The following IFRD1 variants were observed in gnomAD, a reference collection of about 807,000 sequenced individuals.
The protein encoded by IFRD1 is interferon related developmental regulator 1, also known as interferon-related developmental regulator 1.
IFRD1 carries 35 observed loss-of-function variants against 52.9 expected under a neutral mutation model. The ratio of observed to expected loss-of-function variants is 0.66; its 90% CI spans 0.51 to 0.88. The LOEUF (loss-of-function observed/expected upper bound fraction) is 0.88. Ranked by LOEUF, IFRD1 falls within the 40% of genes least tolerant of loss-of-function variation. IFRD1 has a pLI of 0.00. For missense variants in IFRD1, 517 were observed against 550.8 expected (o/e 0.94, Z 0.61); for synonymous variants, 184 against 188.4 (o/e 0.98, Z 0.19).
chr7:112,444,740 C>G (rs992418059), intron 1 of IFRD1, among the ~76,000 whole-genome samples: 3 of 151,932 alleles, frequency 2.0e-5, no homozygotes, highest in African/African-American at 7.3e-5. Flanking sequence ...CGCAGCATTG[C>G]AAATAAAACC....
At chr7:112,464,570 G>C (rs1331553868) in intron 8 of IFRD1, among the ~76,000 whole-genome samples, 1 of 152,148 alleles carries the variant, frequency 6.6e-6, no homozygotes, top group African/African-American at 2.4e-5. Context: ...GAGTTTTTGA[G>C]AACACATGAT....
intron 7 of IFRD1, 33 bp downstream of exon 7, chr7:112,462,212 C>G (rs1275469374): frequency 6.2e-7 from 1 of 1,610,264 alleles, no homozygotes; most frequent in Non-Finnish European, 8.5e-7. Context: ...TTTATAAAAG[C>G]AACATTTAGT....
upstream of IFRD1, chr7:112,450,427 T>G: frequency 1.9e-6 from 1 of 523,574 alleles, no homozygotes; most frequent in Non-Finnish European, 3.5e-6. Context: ...GTGGCGGTAT[T>G]GCTACTTAAG....
At position 112,468,329 on chromosome 7, in the gene IFRD1, GT is replaced by G. The variant is rs1171012860; in HGVS notation, c.1041+222del. On this transcript the variant is annotated intron_variant, in intron 9 of 11. Transcript: ENST00000403825. Reference sequence around the variant, plus strand: ...TGGTGTATAAAGATACTTTATTTTAGTTTTTTTTCTTTTAAATAAAAAGACC... The same window carrying G: ...TGGTGTATAAAGATACTTTATTTTAGTTTTTTTCTTTTAAATAAAAAGACC... Among the ~76,000 whole-genome samples the G allele has an allele frequency of 2.0e-5, 3 of 149,876 alleles. No homozygotes were observed. In the South Asian group the frequency reaches 6.3e-4, roughly 31 times the overall value.
At chr7:112,454,273 A>C (rs1352839246) in intron 1 of IFRD1, among the ~76,000 whole-genome samples, 1 of 151,608 alleles carries the variant, frequency 6.6e-6, no homozygotes, top group Non-Finnish European at 1.5e-5. Flanking sequence ...GGCTCACTGC[A>C]GTCTGTGCCA....
intron 1 of IFRD1, among the ~76,000 whole-genome samples, chr7:112,428,079 A>G (rs1448428259): frequency 6.6e-6 from 1 of 152,210 alleles, no homozygotes; most frequent in African/African-American, 2.4e-5. Context: ...GGGAAAAGGG[A>G]GATAATTCTC....
intron 9 of IFRD1, among the ~76,000 whole-genome samples, chr7:112,469,950 T>C (rs1185416863): frequency 6.7e-6 from 1 of 149,188 alleles, no homozygotes; most frequent in Non-Finnish European, 1.5e-5. Flanking sequence ...TGTTTCTCTT[T>C]TTTTTTTTTT....
At chr7:112,431,531 G>A (rs1180644476) in intron 1 of IFRD1, among the ~76,000 whole-genome samples, 1 of 152,012 alleles carries the variant, frequency 6.6e-6, no homozygotes, top group South Asian at 2.1e-4. Context: ...ACTCACAGCC[G>A]CAGTTCACCC....
At position 112,469,911 on chromosome 7, in the gene IFRD1, A is replaced by C. The variant is rs530418203; in HGVS notation, c.1041+1796A>C. On this transcript the variant is annotated intron_variant, in intron 9 of 11. Coordinates refer to ENST00000403825, the MANE Select transcript of IFRD1 (RefSeq NM_001550.4). ...CTGCTTCAATGCACCTGCCTGAGAA[A>C]GGCCTGTCCTCAGGGCTTTGCTGAG... Among the ~76,000 whole-genome samples the C allele has an allele frequency of 9.3e-5, 14 of 150,704 alleles. No homozygotes were observed. The South Asian group carries it at 2.9e-3, about 32-fold the overall frequency.
At chr7:112,455,516 A>T (rs1795269707) in intron 1 of IFRD1, among the ~76,000 whole-genome samples, 1 of 151,862 alleles carries the variant, frequency 6.6e-6, no homozygotes, top group Non-Finnish European at 1.5e-5. Flanking sequence ...AAACAAAAAA[A>T]AGAATGCCTC....
intron 9 of IFRD1, among the ~76,000 whole-genome samples, chr7:112,471,329 T>A (rs1795740027): frequency 6.6e-6 from 1 of 152,154 alleles, no homozygotes; most frequent in African/African-American, 2.4e-5. Flanking sequence ...GCAAGTTGCA[T>A]GTCTGTATTA....
At position 112,462,019 on chromosome 7, in the gene IFRD1, G is replaced by C. The variant is rs1255740672; in HGVS notation, c.637G>C (p.Glu213Gln). Residue 213 changes from glutamate (E) to glutamine (Q), a missense_variant, in exon 7 of 12, where the codon GAA becomes CAA. Glu to Gln is a conservative substitution (Grantham distance 29, BLOSUM62 2). Transcript: ENST00000403825. ...GCATTAGGAACTATACTCAACTCTG[G>C]AATGTTTGGAAAATATCTTCACTAA... ...DDITELYSTL[E>Q]CLENIFTKSY... is the part of the protein sequence containing the mutation. 6 of 1,612,512 alleles carry C rather than the reference G, an allele frequency of 3.7e-6. No homozygotes were observed. The highest frequency in any genetic ancestry group is 5.1e-6 in the Non-Finnish European group (6 of 1,178,908).
chr7:112,433,366 C>G (rs1451466633), intron 1 of IFRD1, among the ~76,000 whole-genome samples: 1 of 152,138 alleles, frequency 6.6e-6, no homozygotes, highest in African/African-American at 2.4e-5. Flanking sequence ...TGAATCAGTT[C>G]CTGGGTGGGG....
In IFRD1 at chr7:112,439,543, T is replaced by C. The variant is rs531035351; in HGVS notation, c.-181-10965T>C. Among the ~76,000 whole-genome samples, 46 of 152,352 alleles carry C rather than the reference T, an allele frequency of 3.0e-4. No homozygotes were observed. The Middle Eastern group carries it at 0.014, about 45-fold the overall frequency. ...GGTAGGGGATGGTAGGTGGTGCCTG[T>C]TGGTTAATTCAGTGACTCAAAAACC... is the stretch of plus-strand genomic sequence containing the variant. On this transcript the variant is annotated intron_variant, in intron 1 of 12. Transcript: ENST00000005558.
chr7:112,456,010 G>A lies in IFRD1; in HGVS notation c.208G>A (p.Val70Ile). The A allele has an allele frequency of 1.3e-6, 2 of 1,598,214 alleles. No homozygotes were observed. The highest frequency in any genetic ancestry group is 2.2e-5 in the South Asian group (2 of 90,746). The stretch of plus-strand genomic sequence containing the variant: ...TTTATATTATTTCTTAGGACCAGAA[G>A]TCCTTGATGAGGAAGGAACTCAAGA... Reference protein sequence around the residue: ...PSSFAEDGPEVLDEEGTQEDL... With the variant: ...PSSFAEDGPEILDEEGTQEDL... The change falls in exon 3 of 12, where the codon GTC becomes ATC. Residue 70 changes from valine (V) to isoleucine (I), a missense_variant. Coordinates refer to ENST00000403825, the MANE Select transcript of IFRD1 (RefSeq NM_001550.4).
At chr7:112,450,410 A>G (rs1795121826), upstream of IFRD1, 1 of 489,788 alleles carries the variant, frequency 2.0e-6, no homozygotes, top group African/African-American at 2.0e-5. Context: ...CCACAGAGTG[A>G]CGTCAGGTGG....
Position 112,475,818 on chromosome 7 carries a change from T to C in IFRD1, c.*299T>C. The C allele has an allele frequency of 3.1e-6, 1 of 317,644 alleles. No homozygotes were observed. The highest frequency in any genetic ancestry group is 1.0e-3 in the Middle Eastern group (1 of 976). 19.7% of individuals were successfully genotyped at this position (317,644 alleles called of 1,614,324 possible). A position where few individuals can be genotyped will look rare whatever the true frequency, so the allele number is the denominator to read the frequency against. On this transcript the variant is annotated 3_prime_UTR_variant, in exon 12 of 12. Coordinates refer to ENST00000403825, the MANE Select transcript of IFRD1 (RefSeq NM_001550.4). ...AACAATTAGCCAAAGTTTAATTTCT[T>C]ACACTGTGGTTGTCAAGAATACTGA...
chr7:112,436,179 T>G (rs4236597), intron 1 of IFRD1, among the ~76,000 whole-genome samples: 152,311 of 152,312 alleles, frequency 1, 76,155 homozygotes, highest in Non-Finnish European at 1. Context: ...ACCGTGCCAG[T>G]CCGAATATTT....
intron 1 of IFRD1, among the ~76,000 whole-genome samples, chr7:112,436,791 C>T (rs1242073827): frequency 2.6e-5 from 4 of 151,864 alleles, no homozygotes; most frequent in African/African-American, 9.7e-5. Context: ...TGCTGGCCAC[C>T]TATAAAAGGG....
Sources: gnomAD v4.1 joint callset for allele counts (sites outside exome capture counted in the v4.1 genomes callset) on GRCh38, gnomAD v4.1.1 for gene constraint, MANE v1.5 for transcripts, NCBI Gene and HGNC (gene_info 2026-07-23, HGNC 2026-07-21) for gene names.